CFTR: variants seen among roughly 807,000 people sequenced by gnomAD.
The protein encoded by CFTR is CF transmembrane conductance regulator, also known as cystic fibrosis transmembrane conductance regulator.
In CFTR, 181 loss-of-function variants were observed where a neutral mutation model predicts 171.6. The ratio of observed to expected loss-of-function variants is 1.05; its 90% CI spans 0.93 to 1.19. CFTR has a LOEUF of 1.19. Ranked by LOEUF, CFTR falls within the 50% of genes most tolerant of loss-of-function variation. The pLI is 0.00. For synonymous variants in CFTR, 583 were observed against 608.0 expected (o/e 0.96, Z 0.60); for missense variants, 1,968 against 1,734.7 (o/e 1.13, Z -2.39).
intron 22 of CFTR, among the ~76,000 whole-genome samples, chr7:117,631,267 A>G (rs956843393): frequency 6.6e-6 from 1 of 152,154 alleles, no homozygotes; most frequent in African/African-American, 2.4e-5. Context: ...AAGTGATAAG[A>G]GCTACAGGAG....
chr7:117,609,199 C>T (rs550877032), intron 18 of CFTR, among the ~76,000 whole-genome samples: 50 of 152,176 alleles, frequency 3.3e-4, no homozygotes, highest in African/African-American at 1.1e-3. Flanking sequence ...ATTTGCTTTC[C>T]GGATTGGAGC....
At chr7:117,649,683 T>A (rs1417162038) in intron 23 of CFTR, among the ~76,000 whole-genome samples, 1 of 151,948 alleles carries the variant, frequency 6.6e-6, no homozygotes, top group Non-Finnish European at 1.5e-5. Flanking sequence ...ATTGAGCATA[T>A]ATTATGAACA....
intron 1 of CFTR, among the ~76,000 whole-genome samples, chr7:117,487,115 C>A (rs1798087627): frequency 6.6e-6 from 1 of 152,026 alleles, no homozygotes; most frequent in Non-Finnish European, 1.5e-5. Context: ...CTATGTGACT[C>A]TACTTCTCTC....
chr7:117,556,184 C>T (rs1334850709), intron 10 of CFTR, among the ~76,000 whole-genome samples: 3 of 152,012 alleles, frequency 2.0e-5, no homozygotes, highest in African/African-American at 2.4e-5. Context: ...CCTGCCTCAC[C>T]CTCCCAAGTA....
intron 10 of CFTR, among the ~76,000 whole-genome samples, chr7:117,554,166 G>C (rs1799314553): frequency 6.6e-6 from 1 of 152,154 alleles, no homozygotes; most frequent in Non-Finnish European, 1.5e-5. Flanking sequence ...ATTCTGTAGG[G>C]AGACAAGGGA....
intron 25 of CFTR, 116 bp downstream of exon 25, chr7:117,664,976 C>G: frequency 9.0e-7 from 1 of 1,108,708 alleles, no homozygotes; most frequent in Admixed American, 1.7e-5. Flanking sequence ...GGGTCTCCCC[C>G]AAGATATGAA....
intron 15 of CFTR, among the ~76,000 whole-genome samples, chr7:117,600,371 C>T (rs1039838232): frequency 6.6e-6 from 1 of 151,988 alleles, no homozygotes; most frequent in Non-Finnish European, 1.5e-5. Flanking sequence ...CATTAGGAAG[C>T]AGTTTCCTGG....
At chr7:117,494,727 A>C (rs986263429) in intron 1 of CFTR, among the ~76,000 whole-genome samples, 1 of 152,170 alleles carries the variant, frequency 6.6e-6, no homozygotes, top group African/African-American at 2.4e-5. Flanking sequence ...GGAAATACCA[A>C]ATAAATGGAA....
intron 10 of CFTR, among the ~76,000 whole-genome samples, chr7:117,550,042 A>T (rs1303410128): frequency 1.3e-5 from 2 of 152,280 alleles, no homozygotes; most frequent in African/African-American, 2.4e-5. Context: ...CCACTCAATA[A>T]ATTTGGTGTC....
chr7:117,646,180 A>G (rs548486711), intron 23 of CFTR, among the ~76,000 whole-genome samples: 1 of 152,310 alleles, frequency 6.6e-6, no homozygotes, highest in South Asian at 2.1e-4. Flanking sequence ...TGTGAGGATT[A>G]AATGAGTTAA....
intron 23 of CFTR, among the ~76,000 whole-genome samples, chr7:117,650,441 A>G (rs1793073066): frequency 6.6e-6 from 1 of 152,088 alleles, no homozygotes; most frequent in Non-Finnish European, 1.5e-5. Flanking sequence ...TTCATAAAAC[A>G]TGGAAGAACA....
At chr7:117,540,077 T>G in intron 7 of CFTR, 23 bp from the exon 8 acceptor site, 2 of 1,598,610 alleles carry the variant, frequency 1.3e-6, no homozygotes, top group Non-Finnish European at 1.7e-6. Context: ...CATCCTGAAT[T>G]TTATTGTTAT....
At chr7:117,593,449 C>T (rs989796723) in intron 14 of CFTR, among the ~76,000 whole-genome samples, 3 of 152,106 alleles carry the variant, frequency 2.0e-5, no homozygotes, top group African/African-American at 7.2e-5. Flanking sequence ...TGACAAGACA[C>T]AAGCCATTAA....
intron 3 of CFTR, among the ~76,000 whole-genome samples, chr7:117,513,190 C>A (rs948763224): frequency 6.6e-6 from 1 of 151,790 alleles, no homozygotes; most frequent in African/African-American, 2.4e-5. Flanking sequence ...GAAGACCTAC[C>A]CTCTCAGTGC....
At chr7:117,508,994 C>A (rs1303540597) in intron 2 of CFTR, 40 bp from the exon 3 acceptor site, 1 of 1,192,978 alleles carries the variant, frequency 8.4e-7, no homozygotes, top group Non-Finnish European at 1.3e-6. Flanking sequence ...AAAATATTTG[C>A]ACATGCAACT....
intron 12 of CFTR, among the ~76,000 whole-genome samples, chr7:117,589,683 G>A (rs1174038670): frequency 6.6e-6 from 1 of 151,958 alleles, no homozygotes; most frequent in Middle Eastern, 3.4e-3. Flanking sequence ...TCCTTATTTG[G>A]AACTTTTATG....
chr7:117,600,192 A>G (rs1395624473), intron 15 of CFTR, among the ~76,000 whole-genome samples: 1 of 152,006 alleles, frequency 6.6e-6, no homozygotes, highest in Non-Finnish European at 1.5e-5. Context: ...AAAGAGAGTG[A>G]CTCTACTTTT....
rs1207820170 is a variant in CFTR at position 117,645,158 on chromosome 7, G to C, written c.3873+2565G>C. ...GAGATATCAAATGCGACCAAAACAA[G>C]TGTTTGTAGATTTGAATGATGATTC... is the stretch of plus-strand genomic sequence containing the variant. On this transcript the variant is annotated intron_variant, in intron 23 of 26. Transcript: ENST00000003084. Among the ~76,000 whole-genome samples the C allele has an allele frequency of 2.6e-5, 4 of 152,086 alleles. 1 individual carries two copies. Among genetic ancestry groups the C allele is most frequent in the Non-Finnish European group, 5.9e-5 (4 of 68,022 alleles).
intron 3 of CFTR, among the ~76,000 whole-genome samples, chr7:117,515,866 C>T (rs780785729): frequency 6.6e-6 from 1 of 152,152 alleles, no homozygotes; most frequent in Non-Finnish European, 1.5e-5. Flanking sequence ...AGGTCTTTCA[C>T]ATCCTTTGTT....
Sources: allele counts gnomAD v4.1 joint callset (sites outside exome capture counted in the v4.1 genomes callset), GRCh38; gene constraint gnomAD v4.1.1; transcripts MANE v1.5; gene names NCBI Gene and HGNC (gene_info 2026-07-23, HGNC 2026-07-21).